RGS5: variants seen among roughly 807,000 people sequenced by gnomAD.
RGS5 encodes regulator of G protein signaling 5.
A neutral mutation model predicts 18.9 loss-of-function variants in RGS5; 20 were observed. The observed-to-expected ratio is 1.06, with a 90% CI of 0.74 to 1.54. The LOEUF (loss-of-function observed/expected upper bound fraction) is 1.54, where lower values mean the gene tolerates loss of function less well. Ranked by LOEUF, RGS5 falls within the 40% of genes most tolerant of loss-of-function variation. RGS5 has a pLI of 0.00. For synonymous variants in RGS5, 57 were observed against 76.2 expected, an observed-to-expected ratio of 0.75 and a Z score of 1.31; for missense variants, 201 against 211.8, an observed-to-expected ratio of 0.95 and a Z score of 0.32.
intron 1 of RGS5, among the ~76,000 whole-genome samples, chr1:163,213,529 T>A (rs1221890182): frequency 3.9e-5 from 6 of 152,170 alleles, no homozygotes; most frequent in African/African-American, 1.4e-4. Context: ...AGCCACAAGC[T>A]AAAGATGGTT....
chr1:163,252,716 C>T (rs1017444939), intron 2 of RGS5, among the ~76,000 whole-genome samples: 46 of 152,158 alleles, frequency 3.0e-4, no homozygotes, highest in African/African-American at 1.1e-3. Context: ...TTGCTTGGGG[C>T]TTTCTGGGGA....
intron 2 of RGS5, among the ~76,000 whole-genome samples, chr1:163,233,305 G>A (rs2940672): frequency 0.2 from 30,366 of 152,028 alleles, 4,498 homozygotes; most frequent in African/African-American, 0.42. Flanking sequence ...GAGATCTATG[G>A]GGTTTTCCCA....
intron 1 of RGS5, among the ~76,000 whole-genome samples, chr1:163,213,872 C>T (rs746435515): frequency 6.6e-6 from 1 of 152,032 alleles, no homozygotes; most frequent in Non-Finnish European, 1.5e-5. Context: ...AATGATTCAC[C>T]CAGAATTTCG....
chr1:163,308,871 G>C (rs763818113), intron 1 of RGS5, among the ~76,000 whole-genome samples: 1 of 152,168 alleles, frequency 6.6e-6, no homozygotes, highest in Non-Finnish European at 1.5e-5. Flanking sequence ...TGCATATAAA[G>C]AGTTATGTTT....
intron 2 of RGS5, among the ~76,000 whole-genome samples, chr1:163,253,243 T>C (rs1648165009): frequency 1.3e-5 from 2 of 152,198 alleles, no homozygotes; most frequent in African/African-American, 2.4e-5. Flanking sequence ...AGTTCTCTCA[T>C]CATTTTCTTT....
At chr1:163,247,890 G>A (rs1415650089) in intron 2 of RGS5, among the ~76,000 whole-genome samples, 3 of 152,106 alleles carry the variant, frequency 2.0e-5, no homozygotes, top group Admixed American at 2.0e-4. Flanking sequence ...ATCAATGAAT[G>A]TTCTTTCAAT....
chr1:163,296,326 TTAAC>T (rs1649418759), intron 2 of RGS5, among the ~76,000 whole-genome samples: 1 of 152,342 alleles, frequency 6.6e-6, no homozygotes, highest in South Asian at 2.1e-4. Flanking sequence ...CCTGTAAACT[TTAAC>T]TGACCCCGAA....
chr1:163,173,551 A>G (rs971538972), intron 1 of RGS5, among the ~76,000 whole-genome samples: 2 of 152,218 alleles, frequency 1.3e-5, no homozygotes, highest in Non-Finnish European at 1.5e-5. Context: ...AAACCAGCAC[A>G]AGCAATCACT....
At chr1:163,313,048 T>G (rs1445608930) in intron 1 of RGS5, among the ~76,000 whole-genome samples, 1 of 152,196 alleles carries the variant, frequency 6.6e-6, no homozygotes, top group Admixed American at 6.5e-5. Context: ...TGAAATAAAA[T>G]GTACTAATTC....
In RGS5 at chr1:163,214,774, A is replaced by G. The variant is rs186871747; in HGVS notation, c.69+2752T>C. 2.0e-5 allele frequency among the ~76,000 whole-genome samples: 3 copies of G among 152,156 alleles called. No individual in the cohort carries two copies. In the East Asian group the frequency reaches 5.8e-4, roughly 29 times the overall value. On this transcript the variant is annotated intron_variant, in intron 1 of 5. Transcript: ENST00000367903. ...TGTTGCTATTTGCTTTTTGGAATTGAGCTTTAAAAAGTGTTTGCTTTAGTG... is the reference window on the plus strand; with the variant it reads ...TGTTGCTATTTGCTTTTTGGAATTGGGCTTTAAAAAGTGTTTGCTTTAGTG...
intron 2 of RGS5, among the ~76,000 whole-genome samples, chr1:163,162,192 T>C (rs1329525038): frequency 6.6e-6 from 1 of 152,228 alleles, no homozygotes; most frequent in East Asian, 1.9e-4. Context: ...TTCATCTTTT[T>C]TGAACATTTT....
chr1:163,238,126 T>C (rs906421299), intron 2 of RGS5: 2 of 153,938 alleles, frequency 1.3e-5, no homozygotes, highest in African/African-American at 4.8e-5. Flanking sequence ...AATTTTAAGA[T>C]ATTTCAGGTT....
Position 163,298,666 on chromosome 1 carries a change from T to C in RGS5, c.-281+7567A>G, listed in dbSNP as rs143194090. On this transcript the variant is annotated intron_variant, in intron 2 of 5. Transcript: ENST00000618415. ...AGTTTGTGACAAAGTCTTTCTGGAG[T>C]GTGGTGTCTCCTGTGAGTTAATCTT... 5.8e-3 allele frequency among the ~76,000 whole-genome samples: 876 copies of C among 152,186 alleles called. 3 individuals carry two copies. The highest frequency in any genetic ancestry group is 0.031 in the Middle Eastern group (9 of 294).
chr1:163,148,285 T>C (rs1037799046), intron 4 of RGS5, among the ~76,000 whole-genome samples: 5 of 152,092 alleles, frequency 3.3e-5, no homozygotes, highest in Non-Finnish European at 5.9e-5. Context: ...TTGGAGGAAT[T>C]GAACAGAGAG....
intron 2 of RGS5, among the ~76,000 whole-genome samples, chr1:163,293,922 T>C (rs755226877): frequency 2.0e-5 from 3 of 152,050 alleles, no homozygotes; most frequent in Non-Finnish European, 4.4e-5. Context: ...ATAATCTCCT[T>C]TGGCTCCATG....
chr1:163,263,103 C>A (rs2101707030), intron 2 of RGS5, among the ~76,000 whole-genome samples: 1 of 152,270 alleles, frequency 6.6e-6, no homozygotes, highest in African/African-American at 2.4e-5. Flanking sequence ...AGCTTAAACC[C>A]TTTTCATGCA....
chr1:163,216,716 A>C (rs1258285552), intron 1 of RGS5, among the ~76,000 whole-genome samples: 2 of 152,200 alleles, frequency 1.3e-5, no homozygotes, highest in Non-Finnish European at 2.9e-5. Context: ...AATAAGTGTC[A>C]AGTATTTTGC....
chr1:163,204,966 T>TG (rs2101665108), upstream of RGS5, among the ~76,000 whole-genome samples: 1 of 152,296 alleles, frequency 6.6e-6, no homozygotes, highest in South Asian at 2.1e-4. Flanking sequence ...GTTCATGTGA[T>TG]GGACTATTCA....
intron 2 of RGS5, among the ~76,000 whole-genome samples, chr1:163,255,573 T>A (rs1474127468): frequency 6.6e-6 from 1 of 150,546 alleles, no homozygotes; most frequent in Admixed American, 6.6e-5. Context: ...ACTATTCCAA[T>A]CAATAGAAAA....
Sources: gnomAD v4.1 joint callset for allele counts (sites outside exome capture counted in the v4.1 genomes callset) on GRCh38, gnomAD v4.1.1 for gene constraint, MANE v1.5 for transcripts, NCBI Gene and HGNC (gene_info 2026-07-23, HGNC 2026-07-21) for gene names.